The following PALS2 variants were observed in gnomAD, a reference collection of about 807,000 sequenced individuals.
The protein encoded by PALS2 is protein associated with LIN7 2, MAGUK p55 family member, also known as protein PALS2.
A neutral mutation model predicts 61.6 loss-of-function variants in PALS2; 27 were observed. That is an observed-to-expected ratio of 0.44 (90% confidence interval 0.32 to 0.60). The LOEUF is 0.60. Among genes scored for constraint, PALS2 ranks in the 20% least tolerant of loss-of-function variants. The pLI, the probability that PALS2 is intolerant of heterozygous loss-of-function variation, is 0.05. For synonymous variants in PALS2, 236 were observed against 218.6 expected (o/e 1.08, Z -0.70); for missense variants, 554 against 639.4 (o/e 0.87, Z 1.44).
Position 24,687,433 on chromosome 7 carries a change from A to G in PALS2, c.1447-5A>G. On this transcript the variant is annotated splice_region_variant and splice_polypyrimidine_tract_variant and intron_variant, in intron 11 of 11. Transcript: ENST00000222644. The surrounding 1 kb of genome is among the most constrained non-coding windows in gnomAD (Gnocchi z 4.5). ...CAAACATTTCCTTTTAAAACTCTTC[A>G]ACAGGACTCTGACTTGAAGAAAACA... is the stretch of plus-strand genomic sequence containing the variant. The G allele has an allele frequency of 6.2e-7, 1 of 1,606,410 alleles. No homozygotes were observed. Among genetic ancestry groups the G allele is most frequent in the Non-Finnish European group, 8.5e-7 (1 of 1,177,754 alleles).
Position 24,605,765 on chromosome 7 carries a change from A to G in PALS2, c.-2-17901A>G, listed in dbSNP as rs532703224. Among the ~76,000 whole-genome samples, 3 of 152,316 alleles carry G rather than the reference A, an allele frequency of 2.0e-5. No individual in the cohort carries two copies. The East Asian group carries it at 5.8e-4, about 29-fold the overall frequency. ...CTGAAATTTTTTACAAAATTAATTT[A>G]TGTATACCTGTGTAATAAAACAATA... is the stretch of plus-strand genomic sequence containing the variant. On this transcript the variant is annotated intron_variant, in intron 1 of 11. Transcript: ENST00000222644.
rs1260904891 is a variant in PALS2 at position 24,573,693 on chromosome 7, A to T, written c.-3+100A>T. 1 of 166,206 alleles carries T rather than the reference A, an allele frequency of 6.0e-6. No homozygotes were observed. Among genetic ancestry groups the T allele is most frequent in the East Asian group, 1.7e-4 (1 of 5,744 alleles). The allele number at this position is 166,206 out of a possible 1,614,324, so 10.3% of individuals were successfully genotyped here. ...GCTCGGCGCGGCGCGCCACGCGGGG[A>T]CCCTGGCCCGCCCCGCCCCCCTCGG... On this transcript the variant is annotated intron_variant, in intron 1 of 11. Coordinates refer to ENST00000222644, the MANE Select transcript of PALS2 (RefSeq NM_001303037.2). This position sits in a 1 kb window ranked among gnomAD's most constrained non-coding sequence, Gnocchi z 5.3.
intron 1 of PALS2, among the ~76,000 whole-genome samples, chr7:24,602,905 A>G (rs115143076): frequency 0.067 from 10,178 of 152,186 alleles, 408 homozygotes; most frequent in African/African-American, 0.11. Context: ...TTATATAAGC[A>G]TCTGGTATTT....
At chr7:24,661,343 A>T (rs75363041) in intron 5 of PALS2, among the ~76,000 whole-genome samples, 1 of 152,068 alleles carries the variant, frequency 6.6e-6, no homozygotes, top group East Asian at 1.9e-4. Flanking sequence ...AAAAAAAAAA[A>T]TAAATTGTTC....
At chr7:24,630,638 A>G (rs1784958793) in intron 2 of PALS2, among the ~76,000 whole-genome samples, 1 of 152,194 alleles carries the variant, frequency 6.6e-6, no homozygotes, top group African/African-American at 2.4e-5. Flanking sequence ...ACAGCTAGAG[A>G]GAAGTCAATA....
At chr7:24,668,297 G>A (rs1410425516) in intron 8 of PALS2, among the ~76,000 whole-genome samples, 2 of 152,080 alleles carry the variant, frequency 1.3e-5, no homozygotes, top group Non-Finnish European at 2.9e-5. Context: ...GTGACAGTGA[G>A]CCCCGGTCTT....
At chr7:24,627,811 A>G (rs1784816313) in intron 2 of PALS2, among the ~76,000 whole-genome samples, 2 of 152,212 alleles carry the variant, frequency 1.3e-5, no homozygotes, top group Admixed American at 1.3e-4. Flanking sequence ...CCCTCCCAAG[A>G]CTAAACCAGG....
chr7:24,584,820 A>G (rs1249515617), intron 1 of PALS2, among the ~76,000 whole-genome samples: 7 of 151,804 alleles, frequency 4.6e-5, no homozygotes, highest in Admixed American at 4.6e-4. Flanking sequence ...TCTTTAATCC[A>G]TCTTGAATTA....
chr7:24,641,053 G>A (rs1020558148), intron 2 of PALS2, among the ~76,000 whole-genome samples: 2 of 148,640 alleles, frequency 1.3e-5, no homozygotes, highest in African/African-American at 5.0e-5. Context: ...TTCTGTGACA[G>A]TGTGGTTGAC....
At chr7:24,623,199 C>G (rs569482817) in intron 1 of PALS2, among the ~76,000 whole-genome samples, 1 of 141,148 alleles carries the variant, frequency 7.1e-6, no homozygotes, top group Non-Finnish European at 1.5e-5. Context: ...CCTTCTCTTC[C>G]GTTTTTTTTT....
At chr7:24,683,395 A>T (rs139533769) in intron 11 of PALS2, among the ~76,000 whole-genome samples, 7 of 152,168 alleles carry the variant, frequency 4.6e-5, no homozygotes, top group African/African-American at 1.7e-4. Flanking sequence ...TTGTTTTTTT[A>T]GTTTCATGAG....
intron 11 of PALS2, among the ~76,000 whole-genome samples, chr7:24,681,640 T>G (rs1787937266): frequency 6.6e-6 from 1 of 152,124 alleles, no homozygotes; most frequent in Admixed American, 6.5e-5. Context: ...TGAGGTATAA[T>G]TGACACATAA....
Position 24,691,405 on chromosome 7 carries a change from G to GTATA in PALS2, c.*3828_*3831dup, listed in dbSNP as rs70942878. 1,061 of 110,394 alleles carry GTATA rather than the reference G, an allele frequency of 9.6e-3. 8 individuals are homozygous for GTATA. The highest frequency in any genetic ancestry group is 0.015 in the Non-Finnish European group (786 of 52,174). 6.8% of individuals were successfully genotyped at this position (110,394 alleles called of 1,614,324 possible). The stretch of plus-strand genomic sequence containing the variant: ...ATATTATGTATGTGTGTGTGTGTGT[G>GTATA]TATATATATATATATATATATATAT... On this transcript the variant is annotated 3_prime_UTR_variant, in exon 12 of 12. Coordinates refer to ENST00000222644, the MANE Select transcript of PALS2 (RefSeq NM_001303037.2).
chr7:24,627,574 A>G (rs935400303), intron 2 of PALS2, among the ~76,000 whole-genome samples: 7 of 152,208 alleles, frequency 4.6e-5, no homozygotes, highest in Admixed American at 2.0e-4. Flanking sequence ...CATTGAATCC[A>G]GGAGCTGGTT....
intron 2 of PALS2, among the ~76,000 whole-genome samples, chr7:24,628,202 G>A (rs1289915304): frequency 3.9e-5 from 6 of 152,178 alleles, no homozygotes; most frequent in Non-Finnish European, 4.4e-5. Flanking sequence ...GGGATGCAAG[G>A]CAGGTTCAAC....
intron 9 of PALS2, among the ~76,000 whole-genome samples, chr7:24,671,281 G>C (rs1787282698): frequency 6.6e-6 from 1 of 152,148 alleles, no homozygotes; most frequent in Admixed American, 6.5e-5. Flanking sequence ...GTCTGATCAT[G>C]TCAAACAACT....
chr7:24,660,787 C>T (rs573944315), intron 5 of PALS2, among the ~76,000 whole-genome samples: 20 of 152,324 alleles, frequency 1.3e-4, no homozygotes, highest in Admixed American at 1.3e-3. Flanking sequence ...ATCTTGACAG[C>T]TATTGCCAAA....
chr7:24,604,893 A>T (rs903147407), intron 1 of PALS2, among the ~76,000 whole-genome samples: 1 of 152,186 alleles, frequency 6.6e-6, no homozygotes, highest in African/African-American at 2.4e-5. Flanking sequence ...GGTTATCACC[A>T]ACTGAGCTGG....
chr7:24,662,800 A>AAAG (rs1554311606), intron 5 of PALS2, among the ~76,000 whole-genome samples: 1 of 130,736 alleles, frequency 7.6e-6, no homozygotes. Flanking sequence ...AAAAAAAGAA[A>AAAG]GAAAGAAAGA....
Sources: gnomAD v4.1 joint callset for allele counts (sites outside exome capture counted in the v4.1 genomes callset) on GRCh38, gnomAD v4.1.1 for gene constraint, Gnocchi (gnomAD v3.1) non-coding constraint, MANE v1.5 for transcripts, NCBI Gene and HGNC (gene_info 2026-07-23, HGNC 2026-07-21) for gene names.